The following RAP1A variants were observed in gnomAD, a reference collection of about 807,000 sequenced individuals.
RAP1A encodes the protein RAP1A, member of RAS oncogene family.
In RAP1A, 6 loss-of-function variants were observed where a neutral mutation model predicts 26.4. That is an observed-to-expected ratio of 0.23 (90% confidence interval 0.12 to 0.45). The LOEUF (loss-of-function observed/expected upper bound fraction) is 0.45. Ranked by LOEUF, RAP1A falls within the 20% of genes least tolerant of loss-of-function variation. The pLI is 0.99. For missense variants in RAP1A, 121 were observed against 217.2 expected, an observed-to-expected ratio of 0.56 and a Z score of 2.78; for synonymous variants, 73 against 79.4, an observed-to-expected ratio of 0.92 and a Z score of 0.43.
chr1:111,614,409 C>T (rs2101081895), intron 1 of RAP1A, among the ~76,000 whole-genome samples: 1 of 152,268 alleles, frequency 6.6e-6, no homozygotes, highest in Non-Finnish European at 1.5e-5. Context: ...ATTTTCTAAA[C>T]ATTTATTAGA....
intron 1 of RAP1A, among the ~76,000 whole-genome samples, chr1:111,573,659 T>C (rs1658092694): frequency 6.6e-6 from 1 of 152,356 alleles, no homozygotes; most frequent in Non-Finnish European, 1.5e-5. Flanking sequence ...ATAGCCACTC[T>C]GACTGGTGTG....
At chr1:111,567,737 C>A (rs1392611171) in intron 1 of RAP1A, among the ~76,000 whole-genome samples, 1 of 152,186 alleles carries the variant, frequency 6.6e-6, no homozygotes, top group South Asian at 2.1e-4. Context: ...CAACCCCCAA[C>A]CTCTGCAGGG....
chr1:111,653,415 C>G (rs1571531766), intron 1 of RAP1A, among the ~76,000 whole-genome samples: 1 of 152,116 alleles, frequency 6.6e-6, no homozygotes, highest in Admixed American at 6.5e-5. Flanking sequence ...GGCGCGGTGG[C>G]TCACGCCTGT....
At chr1:111,543,320 T>G (rs1656912656) in intron 1 of RAP1A, among the ~76,000 whole-genome samples, 1 of 152,144 alleles carries the variant, frequency 6.6e-6, no homozygotes, top group African/African-American at 2.4e-5. Context: ...AAGAACCTGA[T>G]TTTGAAAGAG....
chr1:111,685,464 G>T (rs1661441355), intron 1 of RAP1A, among the ~76,000 whole-genome samples: 1 of 151,218 alleles, frequency 6.6e-6, no homozygotes, highest in South Asian at 2.1e-4. Flanking sequence ...ATAGGCGAAA[G>T]ACATGAACAG....
At chr1:111,673,879 T>C (rs1188432661) in intron 1 of RAP1A, among the ~76,000 whole-genome samples, 1 of 152,232 alleles carries the variant, frequency 6.6e-6, no homozygotes, top group African/African-American at 2.4e-5. Context: ...TACCTGTGTG[T>C]ATACATTCGT....
At chr1:111,674,191 T>C (rs1407466823) in intron 1 of RAP1A, among the ~76,000 whole-genome samples, 1 of 152,174 alleles carries the variant, frequency 6.6e-6, no homozygotes, top group Non-Finnish European at 1.5e-5. Flanking sequence ...ATGTCAGCGA[T>C]CCCCAGACTG....
rs192460333 is a variant in RAP1A, at chr1:111,599,250, G to A, written c.-28+56741G>A. Among the ~76,000 whole-genome samples, 82 of 152,224 alleles carry A rather than the reference G, an allele frequency of 5.4e-4. 1 individual carries two copies. Among genetic ancestry groups the A allele is most frequent in the African/African-American group, 1.8e-3 (74 of 41,544 alleles). The stretch of plus-strand genomic sequence containing the variant: ...AGATGGAGTCTGGCTCTGTCACCCA[G>A]GCTGGAGTGCAGTGGTGTAATCTCG... On this transcript the variant is annotated intron_variant, in intron 1 of 7. Transcript: ENST00000356415.
At position 111,714,381 on chromosome 1, in the gene RAP1A, A is replaced by C. The variant is rs569399533; in HGVS notation, c.*1980A>C. On this transcript the variant is annotated 3_prime_UTR_variant, in exon 8 of 8. Coordinates refer to ENST00000369709, the MANE Select transcript of RAP1A (RefSeq NM_002884.4). The stretch of plus-strand genomic sequence containing the variant: ...ACTTAAGATCATAGACAGACATCTC[A>C]TCAACCAGTAAAACTTTCTAAATAC... 11 of 152,306 alleles carry C rather than the reference A, an allele frequency of 7.2e-5. No homozygotes were observed. The South Asian group carries it at 1.0e-3, about 14-fold the overall frequency. The allele number at this position is 152,306 out of a possible 1,614,324, so 9.4% of individuals were successfully genotyped here.
chr1:111,544,738 G>A (rs1197490363), intron 1 of RAP1A, among the ~76,000 whole-genome samples: 2 of 151,682 alleles, frequency 1.3e-5, no homozygotes, highest in South Asian at 2.1e-4. Context: ...TCCATTTTTG[G>A]TATATACCCA....
rs1212126547 is a variant in RAP1A at position 111,691,244 on chromosome 1, CAA to C, written c.-27-87_-27-86del. 6 of 852,848 alleles carry C rather than the reference CAA, an allele frequency of 7.0e-6. No homozygotes were observed. The Admixed American group carries it at 1.0e-4, about 14-fold the overall frequency. The allele number at this position is 852,848 out of a possible 1,614,324, so 52.8% of individuals were successfully genotyped here. A position where few individuals can be genotyped will look rare whatever the true frequency, so the allele number is the denominator to read the frequency against. The stretch of plus-strand genomic sequence containing the variant: ...TTTGATAGTCTTACAAGGAAAAAAA[CAA>C]AACAAACTCCTATGTTTGATGCAGT... On this transcript the variant is annotated intron_variant, in intron 1 of 7. Transcript: ENST00000369709.
intron 1 of RAP1A, among the ~76,000 whole-genome samples, chr1:111,589,811 C>G (rs1275128647): frequency 1.3e-5 from 2 of 152,226 alleles, no homozygotes; most frequent in East Asian, 1.9e-4. Context: ...TCCTAGTTCA[C>G]TGAACTAGAA....
chr1:111,686,875 A>G (rs1173380481), intron 1 of RAP1A, among the ~76,000 whole-genome samples: 1 of 151,222 alleles, frequency 6.6e-6, no homozygotes, highest in Admixed American at 6.6e-5. Flanking sequence ...TTTTTTTTTC[A>G]CTAACCTCTG....
intron 2 of RAP1A, among the ~76,000 whole-genome samples, chr1:111,694,770 G>T (rs921177301): frequency 2.0e-5 from 3 of 152,188 alleles, no homozygotes; most frequent in African/African-American, 7.2e-5. Flanking sequence ...TAGACATTCA[G>T]TAAGTTTAAA....
At chr1:111,665,002 T>C (rs1442908874) in intron 1 of RAP1A, among the ~76,000 whole-genome samples, 1 of 152,250 alleles carries the variant, frequency 6.6e-6, no homozygotes, top group Non-Finnish European at 1.5e-5. Flanking sequence ...AATTACTTTA[T>C]GCTTAAGTCA....
intron 1 of RAP1A, among the ~76,000 whole-genome samples, chr1:111,638,687 A>G (rs1449298477): frequency 1.3e-5 from 2 of 151,960 alleles, no homozygotes; most frequent in Admixed American, 1.3e-4. Flanking sequence ...TTGCCCCCCA[A>G]AGTTCTGGGA....
intron 1 of RAP1A, chr1:111,648,479 A>T (rs1193444316): frequency 1.3e-5 from 7 of 548,462 alleles, no homozygotes; most frequent in Non-Finnish European, 2.4e-5. Flanking sequence ...CTTGATATTC[A>T]GCAGGGCCTC....
intron 1 of RAP1A, among the ~76,000 whole-genome samples, chr1:111,549,517 G>A (rs78909791): frequency 0.027 from 4,082 of 151,808 alleles, 174 homozygotes; most frequent in African/African-American, 0.093. Context: ...TGGTGTGGTG[G>A]CATGCGCCTG....
chr1:111,622,467 G>A (rs1194697917), intron 1 of RAP1A, among the ~76,000 whole-genome samples: 1 of 152,122 alleles, frequency 6.6e-6, no homozygotes, highest in Non-Finnish European at 1.5e-5. Flanking sequence ...TTTTCCCCAA[G>A]GCAGTATATA....
Sources: allele counts gnomAD v4.1 joint callset (sites outside exome capture counted in the v4.1 genomes callset), GRCh38; gene constraint gnomAD v4.1.1; transcripts MANE v1.5; gene names NCBI Gene and HGNC (gene_info 2026-07-23, HGNC 2026-07-21).